The following PRLR variants were observed in gnomAD, a reference collection of about 807,000 sequenced individuals.
PRLR encodes the protein hPRL receptor.
Under a neutral mutation model 40.2 loss-of-function variants are expected in PRLR, and 13 were observed. The ratio of observed to expected loss-of-function variants is 0.32; its 90% confidence interval spans 0.21 to 0.51. The LOEUF is 0.51. Ranked by LOEUF, PRLR falls within the 20% of genes least tolerant of loss-of-function variation. The pLI is 0.97. For synonymous variants in PRLR, 269 were observed against 278.7 expected (o/e 0.97, Z 0.35); for missense variants, 656 against 747.3 (o/e 0.88, Z 1.42).
At position 35,066,041 on chromosome 5, in the gene PRLR, T is replaced by G; in HGVS notation, c.917A>C (p.Asp306Ala). Residue 306 changes from aspartate to alanine, a missense_variant, in exon 10 of 10, where the codon GAC becomes GCC. Asp to Ala is a moderately radical substitution (Grantham distance 126). Around this residue, in one of 3 missense-constraint regions of PRLR, gnomAD observed 469 missense variants for 491.5 expected, o/e 0.95. Coordinates refer to ENST00000618457, the MANE Select transcript of PRLR (RefSeq NM_000949.7). ...ATACTCCACCAGCAAGTCCTCATAG[T>G]CAGAAGTGGGAGGAAAGTCTTGGCA... ...LGCQDFPPTS[D>A]YEDLLVEYLE... 6.2e-7 allele frequency: 1 copy of G among 1,614,164 alleles called. No individual in the cohort carries two copies. The highest frequency in any genetic ancestry group is 8.5e-7 in the Non-Finnish European group (1 of 1,180,014).
intron 2 of PRLR, among the ~76,000 whole-genome samples, chr5:35,096,610 T>A (rs1490529568): frequency 6.6e-6 from 1 of 151,680 alleles, no homozygotes; most frequent in Non-Finnish European, 1.5e-5. Context: ...TCTTAAAATT[T>A]CTTTTCTTTA....
intron 5 of PRLR, among the ~76,000 whole-genome samples, chr5:35,080,113 C>G (rs548669996): frequency 6.6e-6 from 1 of 152,290 alleles, no homozygotes; most frequent in East Asian, 1.9e-4. Context: ...CAATACCATT[C>G]AGGACATAGG....
chr5:35,074,504 C>CATATATATATATATATATATATAT lies in PRLR; in HGVS notation c.374-1761_374-1760insATATATATATATATATATATATAT, dbSNP rs3034214. Among the ~76,000 whole-genome samples, 134 of 132,484 alleles carry CATATATATATATATATATATATAT rather than the reference C, an allele frequency of 1.0e-3. 5 individuals carry two copies. Among genetic ancestry groups the CATATATATATATATATATATATAT allele is most frequent in the African/African-American group, 3.3e-3 (99 of 30,112 alleles). 86.9% of individuals were successfully genotyped at this position (132,484 alleles called of 152,430 possible). On this transcript the variant is annotated intron_variant, in intron 5 of 9. Transcript: ENST00000618457. ...AACAGCTACATATTTTTTATGATTC[C>CATATATATATATATATATATATAT]ATATATATATATATATATATATGAA... is the stretch of plus-strand genomic sequence containing the variant.
rs34642253 is a variant in PRLR at position 35,144,123 on chromosome 5, C to CA, written c.-105-26002dup. On this transcript the variant is annotated intron_variant, in intron 1 of 9. Transcript: ENST00000618457. ...ATGCCACAGATTTTCAACAAGCTTC[C>CA]AAAAAAAAAAAAAAAAAAACCCAGA... Among the ~76,000 whole-genome samples, 498 of 108,958 alleles carry CA rather than the reference C, an allele frequency of 4.6e-3. 4 individuals carry two copies. Among genetic ancestry groups the CA allele is most frequent in the East Asian group, 0.035 (116 of 3,296 alleles). 71.5% of individuals were successfully genotyped at this position (108,958 alleles called of 152,430 possible). A position where few individuals can be genotyped will look rare whatever the true frequency, so the allele number is the denominator to read the frequency against.
rs1017226907 is a variant in PRLR, at chr5:35,055,752, T to C, written c.*9337A>G. The C allele has an allele frequency of 2.0e-5, 3 of 152,152 alleles. No individual in the cohort carries two copies. The highest frequency in any genetic ancestry group is 4.4e-5 in the Non-Finnish European group (3 of 68,020). 9.4% of individuals were successfully genotyped at this position (152,152 alleles called of 1,614,324 possible). ...CAATTTAAACTAAACATTACTACCA[T>C]TGCAAAAGCATTTGCTCTGAAAAGG... On this transcript the variant is annotated 3_prime_UTR_variant, in exon 10 of 10. Coordinates refer to ENST00000618457, the MANE Select transcript of PRLR (RefSeq NM_000949.7).
intron 1 of PRLR, among the ~76,000 whole-genome samples, chr5:35,199,673 A>G (rs1775827804): frequency 6.6e-6 from 1 of 152,222 alleles, no homozygotes; most frequent in Non-Finnish European, 1.5e-5. Context: ...AATGAGTACT[A>G]CAGTAACCAC....
rs115331710 is a variant in PRLR, at chr5:35,168,763, A to T, written c.-105-50641T>A. ...TTAAATAGCCCTGGGAAGTTTGAAG[A>T]TCTTGTTTTATTTATGGTGCAGGTA... is the stretch of plus-strand genomic sequence containing the variant. On this transcript the variant is annotated intron_variant, in intron 1 of 9. Coordinates refer to ENST00000618457, the MANE Select transcript of PRLR (RefSeq NM_000949.7). Among the ~76,000 whole-genome samples, 505 of 151,750 alleles carry T rather than the reference A, an allele frequency of 3.3e-3. 2 individuals carry two copies. Among genetic ancestry groups the T allele is most frequent in the Middle Eastern group, 0.017 (5 of 286 alleles).
chr5:35,162,094 C>G (rs1278989138), intron 1 of PRLR, among the ~76,000 whole-genome samples: 1 of 152,192 alleles, frequency 6.6e-6, no homozygotes, highest in African/African-American at 2.4e-5. Flanking sequence ...TCCTGTGCAT[C>G]AAGAAAAATC....
At chr5:35,102,795 G>A (rs1028025998) in intron 2 of PRLR, among the ~76,000 whole-genome samples, 1 of 152,020 alleles carries the variant, frequency 6.6e-6, no homozygotes, top group Non-Finnish European at 1.5e-5. Context: ...CACCTGCCTC[G>A]GCCTCCCAAA....
chr5:35,217,555 C>A (rs755940904), intron 1 of PRLR, among the ~76,000 whole-genome samples: 1 of 152,194 alleles, frequency 6.6e-6, no homozygotes, highest in Non-Finnish European at 1.5e-5. Context: ...CGGCTTCACA[C>A]AGTCATAGCA....
chr5:35,148,432 G>A (rs1774248559), intron 1 of PRLR, among the ~76,000 whole-genome samples: 1 of 152,120 alleles, frequency 6.6e-6, no homozygotes, highest in Non-Finnish European at 1.5e-5. Context: ...GGGGTAGATA[G>A]CTACTGTTTT....
chr5:35,085,959 C>T (rs1294244054), intron 4 of PRLR, among the ~76,000 whole-genome samples: 2 of 151,944 alleles, frequency 1.3e-5, no homozygotes, highest in East Asian at 1.9e-4. Flanking sequence ...CTCAGAAATG[C>T]CAAGCATCAG....
At chr5:35,153,285 A>C (rs1774390478) in intron 1 of PRLR, among the ~76,000 whole-genome samples, 2 of 151,612 alleles carry the variant, frequency 1.3e-5, no homozygotes, top group South Asian at 4.1e-4. Context: ...TTGCTGAGAG[A>C]ACTACAATTT....
intron 2 of PRLR, among the ~76,000 whole-genome samples, chr5:35,092,814 T>G (rs947818278): frequency 5.9e-5 from 9 of 152,190 alleles, no homozygotes; most frequent in African/African-American, 2.2e-4. Context: ...AAAATGCAAG[T>G]GGTGGATCTG....
At chr5:35,160,448 G>A (rs1774641888) in intron 1 of PRLR, among the ~76,000 whole-genome samples, 1 of 152,144 alleles carries the variant, frequency 6.6e-6, no homozygotes, top group Non-Finnish European at 1.5e-5. Flanking sequence ...TTACTCCTGG[G>A]CTGAGGCCAA....
At chr5:35,055,539 T>C (rs2112330441), downstream of PRLR, among the ~76,000 whole-genome samples, 2 of 152,280 alleles carry the variant, frequency 1.3e-5, no homozygotes, top group South Asian at 4.1e-4. Context: ...TTCGCATATG[T>C]CTGCATACTT....
Position 35,178,548 on chromosome 5 carries a change from G to C in PRLR, c.-106+51720C>G, listed in dbSNP as rs373870089. Among the ~76,000 whole-genome samples the C allele has an allele frequency of 1.2e-3, 180 of 152,226 alleles. 1 individual carries two copies. The highest frequency in any genetic ancestry group is 4.1e-3 in the African/African-American group (171 of 41,530). On this transcript the variant is annotated intron_variant, in intron 1 of 9. Coordinates refer to ENST00000618457, the MANE Select transcript of PRLR (RefSeq NM_000949.7). ...GGTTAACGGTATTAGTTATTACACT[G>C]TCTGCCATTACATAAAATGTAATGA...
At chr5:35,165,035 A>T (rs1774781811) in intron 1 of PRLR, among the ~76,000 whole-genome samples, 1 of 152,238 alleles carries the variant, frequency 6.6e-6, no homozygotes, top group African/African-American at 2.4e-5. Context: ...ATGTCAGTTA[A>T]TGGGTGACTT....
At chr5:35,163,543 A>G (rs184357581) in intron 1 of PRLR, among the ~76,000 whole-genome samples, 57 of 152,344 alleles carry the variant, frequency 3.7e-4, no homozygotes, top group African/African-American at 1.3e-3. Context: ...GGAAGGAGTG[A>G]GGACAGTGGC....
Sources: gnomAD v4.1 joint callset for allele counts (sites outside exome capture counted in the v4.1 genomes callset) on GRCh38, gnomAD v4.1.1 for gene constraint, gnomAD v4.1.1 regional missense constraint, MANE v1.5 for transcripts, NCBI Gene and HGNC (gene_info 2026-07-23, HGNC 2026-07-21) for gene names.